The following EMB variants were observed in gnomAD, a reference collection of about 807,000 sequenced individuals.
The protein encoded by EMB is embigin.
EMB carries 31 observed loss-of-function variants against 41.4 expected under a neutral mutation model. The observed-to-expected ratio is 0.75, with a 90% CI of 0.56 to 1.01. The LOEUF is 1.01. Ranked by LOEUF, EMB falls within the 50% of genes least tolerant of loss-of-function variation. The pLI, the probability that EMB is intolerant of heterozygous loss-of-function variation, is 0.00. For missense variants in EMB, 379 were observed against 388.3 expected (o/e 0.98, Z 0.20); for synonymous variants, 137 against 140.4 (o/e 0.98, Z 0.17).
rs772953046 is a variant in EMB, at chr5:50,428,274, T to C, written c.113-47A>G. The C allele has an allele frequency of 8.9e-6, 13 of 1,457,458 alleles. No homozygotes were observed. The East Asian group carries it at 3.0e-4, about 33-fold the overall frequency. 90.3% of individuals were successfully genotyped at this position (1,457,458 alleles called of 1,614,324 possible). A position where few individuals can be genotyped will look rare whatever the true frequency, so the allele number is the denominator to read the frequency against. On this transcript the variant is annotated intron_variant, in intron 1 of 8. Transcript: ENST00000303221. ...ATTACACACTCTTATCAAGAGTAAA[T>C]GACTATCTAAAAACTACTTTGAAAC...
intron 1 of EMB, among the ~76,000 whole-genome samples, chr5:50,432,891 G>C (rs923459285): frequency 2.6e-5 from 4 of 151,582 alleles, no homozygotes; most frequent in Non-Finnish European, 5.9e-5. Context: ...AGCCTGGCCA[G>C]CATGGTGAAA....
intron 6 of EMB, among the ~76,000 whole-genome samples, chr5:50,402,876 C>CAAAA (rs564451334): frequency 8.6e-4 from 47 of 54,564 alleles, no homozygotes; most frequent in African/African-American, 1.8e-3. Flanking sequence ...CCAGTAGCAC[C>CAAAA]AAAAAAAAAA....
At chr5:50,427,009 C>A (rs925475692) in intron 2 of EMB, among the ~76,000 whole-genome samples, 6 of 152,084 alleles carry the variant, frequency 3.9e-5, no homozygotes, top group African/African-American at 1.2e-4. Context: ...TACCTAGCAG[C>A]TTCTGAAACA....
At chr5:50,412,883 C>T (rs1335616795) in intron 2 of EMB, among the ~76,000 whole-genome samples, 3 of 132,154 alleles carry the variant, frequency 2.3e-5, no homozygotes, top group East Asian at 2.2e-4. Context: ...TAAGTACAAG[C>T]TTTTTTTTTT....
intron 2 of EMB, among the ~76,000 whole-genome samples, chr5:50,417,434 C>T (rs1434424387): frequency 6.6e-6 from 1 of 152,166 alleles, no homozygotes; most frequent in African/African-American, 2.4e-5. Context: ...CCAAATAAGT[C>T]TCATATGGAT....
chr5:50,442,331 G>C (rs1745928495), upstream of EMB, among the ~76,000 whole-genome samples: 2 of 152,126 alleles, frequency 1.3e-5, 1 homozygote. Flanking sequence ...AAACACGTCT[G>C]TTTCTGGTTT....
In EMB at chr5:50,441,095, G is replaced by T; in HGVS notation, c.57C>A (p.Leu19=). The T allele has an allele frequency of 6.6e-7, 1 of 1,520,376 alleles. No homozygotes were observed. The allele number at this position is 1,520,376 out of a possible 1,614,324, so 94.2% of individuals were successfully genotyped here. A position where few individuals can be genotyped will look rare whatever the true frequency, so the allele number is the denominator to read the frequency against. The part of the protein sequence containing the change: ...EARARTPRLL[L]LQCLLAAARP... ...GCGCGGCAGCGAGAAGGCACTGGAG[G>T]AGGAGCAGCCGGGGCGTACGCGCCC... is the stretch of plus-strand genomic sequence containing the variant. Residue 19 remains leucine (L), a synonymous_variant, in exon 1 of 9, where the codon CTC becomes CTA. Coordinates refer to ENST00000303221, the MANE Select transcript of EMB (RefSeq NM_198449.3).
rs2111885448 is a variant in EMB, at chr5:50,441,109, G to A, written c.43C>T (p.Pro15Ser). ...AGGCACTGGAGGAGGAGCAGCCGGG[G>A]CGTACGCGCCCTGGCCTCCAGCAGG... ...PGLLEARART[P>S]RLLLLQCLLA... is the part of the protein sequence containing the mutation. Residue 15 changes from proline to serine, a missense_variant, in exon 1 of 9, where the codon CCC becomes TCC. Pro to Ser is a moderately conservative substitution (Grantham distance 74, BLOSUM62 -1). Transcript: ENST00000303221. The A allele has an allele frequency of 6.6e-7, 1 of 1,517,510 alleles. No individual in the cohort carries two copies. The highest frequency in any genetic ancestry group is 1.4e-5 in the African/African-American group (1 of 70,726). The allele number at this position is 1,517,510 out of a possible 1,614,324, so 94.0% of individuals were successfully genotyped here.
chr5:50,396,909 A>G lies in EMB; in HGVS notation c.*2364T>C, dbSNP rs558409138. ...CCATAAGTATTAATTAATACAGAAG[A>G]AGAAAATATCAGAATGAGTTCTAAA... On this transcript the variant is annotated 3_prime_UTR_variant, in exon 9 of 9. Transcript: ENST00000303221. 2 of 152,234 alleles carry G rather than the reference A, an allele frequency of 1.3e-5. No homozygotes were observed. The highest frequency in any genetic ancestry group is 2.9e-5 in the Non-Finnish European group (2 of 68,004). The allele number at this position is 152,234 out of a possible 1,614,324, so 9.4% of individuals were successfully genotyped here.
chr5:50,414,622 G>C (rs1432731956), intron 2 of EMB, among the ~76,000 whole-genome samples: 1 of 151,570 alleles, frequency 6.6e-6, no homozygotes, highest in Admixed American at 6.6e-5. Context: ...CCAGATGCAA[G>C]GTTTGCAGAT....
At chr5:50,420,228 T>C (rs1422055832) in intron 2 of EMB, among the ~76,000 whole-genome samples, 1 of 151,998 alleles carries the variant, frequency 6.6e-6, no homozygotes, top group East Asian at 1.9e-4. Flanking sequence ...AAAGGAGAGG[T>C]AAACACAAGT....
rs1320713795 is a variant in EMB, at chr5:50,396,337, A to G, written c.*2936T>C. 2 of 152,188 alleles carry G rather than the reference A, an allele frequency of 1.3e-5. No homozygotes were observed. The highest frequency in any genetic ancestry group is 2.1e-4 in the South Asian group (1 of 4,834). 9.4% of individuals were successfully genotyped at this position (152,188 alleles called of 1,614,324 possible). A position where few individuals can be genotyped will look rare whatever the true frequency, so the allele number is the denominator to read the frequency against. ...ATTCATCCGTTCAATACACATTTCA[A>G]GAAAGCTGTATTGCACCCTTTCAGT... is the stretch of plus-strand genomic sequence containing the variant. On this transcript the variant is annotated 3_prime_UTR_variant, in exon 9 of 9. Coordinates refer to ENST00000303221, the MANE Select transcript of EMB (RefSeq NM_198449.3).
intron 1 of EMB, among the ~76,000 whole-genome samples, chr5:50,436,407 TTTAA>T (rs1334805740): frequency 6.6e-6 from 1 of 152,196 alleles, no homozygotes; most frequent in Non-Finnish European, 1.5e-5. Context: ...CTTTCCTAGA[TTTAA>T]TTATTTGATC....
intron 1 of EMB, among the ~76,000 whole-genome samples, chr5:50,430,540 G>A (rs1745703374): frequency 1.3e-5 from 2 of 151,882 alleles, no homozygotes; most frequent in African/African-American, 4.8e-5. Flanking sequence ...ATATGAAGCT[G>A]GGCAAACTTG....
At chr5:50,440,145 CG>C (rs1219825074) in intron 1 of EMB, among the ~76,000 whole-genome samples, 1 of 152,054 alleles carries the variant, frequency 6.6e-6, no homozygotes, top group Non-Finnish European at 1.5e-5. Context: ...TCAAAGACCA[CG>C]GTGTAAAATG....
intron 2 of EMB, among the ~76,000 whole-genome samples, chr5:50,412,890 T>G (rs1358235551): frequency 2.7e-5 from 4 of 149,040 alleles, no homozygotes; most frequent in Non-Finnish European, 6.0e-5. Flanking sequence ...AAGCTTTTTT[T>G]TTTTTTACAC....
rs199500772 is a variant in EMB at position 50,419,532 on chromosome 5, TACATACACACAC to T, written c.197-8161_197-8150del. Among the ~76,000 whole-genome samples the T allele has an allele frequency of 3.8e-3, 534 of 139,244 alleles. 17 individuals carry two copies. In the East Asian group the frequency reaches 0.092, roughly 24 times the overall value. 91.3% of individuals were successfully genotyped at this position (139,244 alleles called of 152,430 possible). ...AGGAAAACTTAAACAGAACCCCCAC[TACATACACACAC>T]ACATACACACACACACACACACACA... On this transcript the variant is annotated intron_variant, in intron 2 of 8. Coordinates refer to ENST00000303221, the MANE Select transcript of EMB (RefSeq NM_198449.3).
intron 4 of EMB, 23 bp downstream of exon 4, chr5:50,410,854 T>A (rs1202247852): frequency 1.4e-6 from 2 of 1,380,930 alleles, no homozygotes; most frequent in East Asian, 2.3e-5. Context: ...TTATTAACTA[T>A]TCCTCAAGTT....
intron 1 of EMB, among the ~76,000 whole-genome samples, chr5:50,434,203 A>C (rs1045235681): frequency 5.9e-5 from 9 of 152,070 alleles, no homozygotes; most frequent in African/African-American, 2.2e-4. Context: ...GGATACTGCT[A>C]AACATTTTAG....
Sources: allele counts gnomAD v4.1 joint callset (sites outside exome capture counted in the v4.1 genomes callset), GRCh38; gene constraint gnomAD v4.1.1; transcripts MANE v1.5; gene names NCBI Gene and HGNC (gene_info 2026-07-23, HGNC 2026-07-21).